The following AKT2 variants were observed in gnomAD, a reference collection of about 807,000 sequenced individuals.
AKT2 encodes AKT serine/threonine kinase 2, also known as RAC-beta serine/threonine-protein kinase.
In AKT2, 16 loss-of-function variants were observed where a neutral mutation model predicts 58.6. The observed-to-expected ratio is 0.27, with a 90% CI of 0.18 to 0.41. The LOEUF (loss-of-function observed/expected upper bound fraction) is 0.41, where lower values mean the gene tolerates loss of function less well. Among genes scored for constraint, AKT2 ranks in the 10% least tolerant of loss-of-function variants. The pLI, the probability that AKT2 is intolerant of heterozygous loss-of-function variation, is 1.00. For synonymous variants in AKT2, 253 were observed against 254.0 expected (o/e 1.00, Z 0.04); for missense variants, 438 against 661.0 (o/e 0.66, Z 3.70).
At chr19:40,263,621 C>A (rs951217083) in intron 2 of AKT2, among the ~76,000 whole-genome samples, 2 of 152,164 alleles carry the variant, frequency 1.3e-5, no homozygotes, top group Middle Eastern at 3.2e-3. Flanking sequence ...GGCCAAGGGA[C>A]CTTAAAAGCC....
intron 3 of AKT2, among the ~76,000 whole-genome samples, chr19:40,255,799 C>T (rs1234966595): frequency 6.6e-6 from 1 of 152,164 alleles, no homozygotes; most frequent in African/African-American, 2.4e-5. Flanking sequence ...GGACTTTGTC[C>T]TCAGGGCAGC....
Position 40,242,022 on chromosome 19 carries a change from A to G in AKT2, c.489T>C (p.Phe163=), listed in dbSNP as rs1214749057. ...DYLKLLGKGT[F]GKVILVREKA... ...TCTCCCGCACCAGGATGACTTTGCC[A>G]AAGGTTCCCTTGCCAAGGAGTTTGA... Residue 163 remains phenylalanine, a synonymous_variant, in exon 6 of 14, where the codon TTT becomes TTC. Coordinates refer to ENST00000392038, the MANE Select transcript of AKT2 (RefSeq NM_001626.6). This position sits in a 1 kb window ranked among gnomAD's most constrained non-coding sequence, Gnocchi z 4.3. 1.2e-5 allele frequency: 20 copies of G among 1,614,116 alleles called. No homozygotes were observed. Among genetic ancestry groups the G allele is most frequent in the African/African-American group, 2.7e-5 (2 of 74,946 alleles).
rs1487783156 is a variant in AKT2, at chr19:40,233,810, G to A, written c.*62C>T. On this transcript the variant is annotated 3_prime_UTR_variant, in exon 14 of 14. Coordinates refer to ENST00000392038, the MANE Select transcript of AKT2 (RefSeq NM_001626.6). This position sits in a 1 kb window ranked among gnomAD's most constrained non-coding sequence, Gnocchi z 4.3. ...ACCAAAAAGGCTAAGTAAAAAGTTA[G>A]GGGGAAAAAACCACCCAGCGGTGAT... 1.6e-5 allele frequency: 24 copies of A among 1,544,652 alleles called. No individual in the cohort carries two copies. Among genetic ancestry groups the A allele is most frequent in the Non-Finnish European group, 2.0e-5 (23 of 1,129,430 alleles).
chr19:40,256,631 G>T (rs903514938), intron 3 of AKT2, among the ~76,000 whole-genome samples: 35 of 152,344 alleles, frequency 2.3e-4, no homozygotes, highest in African/African-American at 8.4e-4. Flanking sequence ...CCTGCCACCA[G>T]TTGGGGACTC....
At chr19:40,263,110 A>G (rs991956566) in intron 2 of AKT2, among the ~76,000 whole-genome samples, 4 of 152,216 alleles carry the variant, frequency 2.6e-5, no homozygotes, top group Admixed American at 6.5e-5. Flanking sequence ...CGGACACTGA[A>G]GGCCCAAGAG....
rs148339167 is a variant in AKT2, at chr19:40,242,626, C to T, written c.349G>A (p.Glu117Lys). The T allele has an allele frequency of 9.9e-6, 16 of 1,613,494 alleles. No individual in the cohort carries two copies. The highest frequency in any genetic ancestry group is 4.0e-5 in the African/African-American group (3 of 74,892). The change falls in exon 5 of 14, where the codon GAG becomes AAG. Residue 117 changes from glutamate to lysine, a missense_variant. Glu to Lys is a moderately conservative substitution (Grantham distance 56). Transcript: ENST00000392038. This position sits in a 1 kb window ranked among gnomAD's most constrained non-coding sequence, Gnocchi z 4.3. ...ANSLKQRAPGEDPMDYKCGSP... is the reference protein window; with the variant it reads ...ANSLKQRAPGKDPMDYKCGSP... ...CCACACTTGTAGTCCATGGGGTCCT[C>T]GCCTGGGGCCCGCTGCTTGAGGCTG...
At chr19:40,260,720 CAT>C (rs1307063620) in intron 2 of AKT2, among the ~76,000 whole-genome samples, 2 of 145,796 alleles carry the variant, frequency 1.4e-5, no homozygotes, top group Admixed American at 1.4e-4. Context: ...ACATCTACAA[CAT>C]AGAGATTATT....
At chr19:40,281,261 C>T (rs563155108) in intron 1 of AKT2, among the ~76,000 whole-genome samples, 2 of 152,300 alleles carry the variant, frequency 1.3e-5, no homozygotes, top group African/African-American at 4.8e-5. Context: ...GAGACTGAGG[C>T]AGGAGGATCA....
intron 1 of AKT2, among the ~76,000 whole-genome samples, chr19:40,265,797 TAC>T (rs908916877): frequency 5.3e-5 from 8 of 152,038 alleles, no homozygotes; most frequent in African/African-American, 1.7e-4. Flanking sequence ...TCCACCATCT[TAC>T]ACACACACAC....
chr19:40,273,340 C>T (rs1391038065), intron 1 of AKT2: 1 of 116,850 alleles, frequency 8.6e-6, no homozygotes, highest in South Asian at 2.7e-4. Flanking sequence ...GACTCCATCT[C>T]AAAAAAAAAA....
chr19:40,232,815 G>A lies in AKT2; in HGVS notation c.*1057C>T, dbSNP rs113239357. On this transcript the variant is annotated 3_prime_UTR_variant, in exon 14 of 14. Coordinates refer to ENST00000392038, the MANE Select transcript of AKT2 (RefSeq NM_001626.6). ...AGTCCCACAGCACTGACATGGACGT[G>A]CACTCATGTTCAACCTTAAGGCTGC... The A allele has an allele frequency of 0.011, 2,518 of 235,174 alleles. 28 individuals are homozygous for A. Among genetic ancestry groups the A allele is most frequent in the South Asian group, 0.017 (98 of 5,772 alleles). 14.6% of individuals were successfully genotyped at this position (235,174 alleles called of 1,614,324 possible). A position where few individuals can be genotyped will look rare whatever the true frequency, so the allele number is the denominator to read the frequency against.
In AKT2 at chr19:40,237,690, C is replaced by T. The variant is rs1424635520; in HGVS notation, c.831+279G>A. Reference sequence around the variant, plus strand: ...AGGTATTGTGGCAGTTGACACTCCGCTAGTGGCCTAGGAGCGCTCATGGGA... The same window carrying T: ...AGGTATTGTGGCAGTTGACACTCCGTTAGTGGCCTAGGAGCGCTCATGGGA... On this transcript the variant is annotated intron_variant, in intron 9 of 13. Coordinates refer to ENST00000392038, the MANE Select transcript of AKT2 (RefSeq NM_001626.6). This position sits in a 1 kb window ranked among gnomAD's most constrained non-coding sequence, Gnocchi z 4.5. The T allele has an allele frequency of 2.2e-6, 1 of 449,036 alleles. No homozygotes were observed. The highest frequency in any genetic ancestry group is 2.0e-5 in the African/African-American group (1 of 50,528). The allele number at this position is 449,036 out of a possible 1,614,324, so 27.8% of individuals were successfully genotyped here.
intron 1 of AKT2, chr19:40,269,693 T>G (rs1406027557): frequency 6.6e-6 from 1 of 151,612 alleles, no homozygotes; most frequent in Admixed American, 6.6e-5. Flanking sequence ...AGACCAGGAG[T>G]CTACCCACAA....
intron 4 of AKT2, among the ~76,000 whole-genome samples, chr19:40,247,126 G>C (rs914360665): frequency 2.0e-5 from 3 of 152,178 alleles, no homozygotes; most frequent in African/African-American, 7.2e-5. Flanking sequence ...AAGTTGCAAG[G>C]TTGCAGCACT....
intron 4 of AKT2, among the ~76,000 whole-genome samples, chr19:40,246,641 C>A (rs776974006): frequency 6.6e-6 from 1 of 152,330 alleles, no homozygotes; most frequent in East Asian, 1.9e-4. Context: ...AGATGTACAG[C>A]GTGGTATCAT....
chr19:40,278,830 C>G (rs886232136), intron 1 of AKT2, among the ~76,000 whole-genome samples: 23 of 152,014 alleles, frequency 1.5e-4, no homozygotes, highest in Non-Finnish European at 5.9e-5. Context: ...CCGTTTACAG[C>G]TGAGCAAAAT....
rs1310588285 is a variant in AKT2, at chr19:40,238,077, C to T, written c.723G>A (p.Leu241=). The change falls in exon 9 of 14, where the codon CTG becomes CTA. Residue 241 remains leucine (L), a synonymous_variant. Transcript: ENST00000392038. The surrounding 1 kb of genome is among the most constrained non-coding windows in gnomAD (Gnocchi z 5.1). ...YANGGELFFH[L]SRERVFTEER... is the part of the protein sequence containing the mutation. ...CCTCTGTGAAGACACGCTCCCGGGA[C>T]AGGTGGAAGAACAGCTGCAGGAGGA... is the stretch of plus-strand genomic sequence containing the variant. 3.8e-6 allele frequency: 6 copies of T among 1,599,990 alleles called. No individual in the cohort carries two copies. The highest frequency in any genetic ancestry group is 1.3e-5 in the African/African-American group (1 of 74,830).
chr19:40,267,068 G>A (rs62107588), intron 1 of AKT2, among the ~76,000 whole-genome samples: 6,199 of 152,118 alleles, frequency 0.041, 183 homozygotes, highest in Non-Finnish European at 0.061. Flanking sequence ...GCTCTAGTCA[G>A]GTCTGCCCCC....
intron 1 of AKT2, among the ~76,000 whole-genome samples, chr19:40,267,131 A>C (rs1976418595): frequency 6.8e-6 from 1 of 147,510 alleles, no homozygotes; most frequent in African/African-American, 2.5e-5. Flanking sequence ...GCTCCCTCCC[A>C]CTCACCCCAC....
Sources: gnomAD v4.1 joint callset for allele counts (sites outside exome capture counted in the v4.1 genomes callset) on GRCh38, gnomAD v4.1.1 for gene constraint, Gnocchi (gnomAD v3.1) non-coding constraint, MANE v1.5 for transcripts, NCBI Gene and HGNC (gene_info 2026-07-23, HGNC 2026-07-21) for gene names.